AMN1: variants seen among roughly 807,000 people sequenced by gnomAD.
The protein encoded by AMN1 is protein AMN1 homolog.
Under a neutral mutation model 33.0 loss-of-function variants are expected in AMN1, and 20 were observed. The observed-to-expected ratio is 0.61, with a 90% CI of 0.43 to 0.88. The LOEUF is 0.88. Among genes scored for constraint, AMN1 ranks in the 40% least tolerant of loss-of-function variants. The pLI, the probability that AMN1 is intolerant of heterozygous loss-of-function variation, is 0.00. For missense variants in AMN1, 246 were observed against 307.4 expected (o/e 0.80, Z 1.49); for synonymous variants, 114 against 111.9 (o/e 1.02, Z -0.12).
intron 6 of AMN1, among the ~76,000 whole-genome samples, chr12:31,688,740 G>A (rs760473553): frequency 6.6e-6 from 1 of 152,150 alleles, no homozygotes; most frequent in Non-Finnish European, 1.5e-5. Flanking sequence ...TAACCCAGGA[G>A]GTGGAGGTTG....
chr12:31,728,081 G>A (rs1406676904), intron 1 of AMN1, among the ~76,000 whole-genome samples: 1 of 151,908 alleles, frequency 6.6e-6, no homozygotes, highest in Non-Finnish European at 1.5e-5. Flanking sequence ...GGCTGGTCTC[G>A]AACTCCTGAG....
At chr12:31,720,049 C>T (rs911267036) in intron 1 of AMN1, among the ~76,000 whole-genome samples, 3 of 152,042 alleles carry the variant, frequency 2.0e-5, no homozygotes, top group African/African-American at 4.8e-5. Flanking sequence ...TTTTCCATTC[C>T]GTTGTCATTT....
chr12:31,674,600 A>C (rs1951347551), intron 6 of AMN1, among the ~76,000 whole-genome samples: 1 of 152,196 alleles, frequency 6.6e-6, no homozygotes, highest in Non-Finnish European at 1.5e-5. Flanking sequence ...GTAACATAAC[A>C]TACTCACATT....
chr12:31,676,234 G>A lies in AMN1; in HGVS notation c.704-3857C>T, dbSNP rs1057469980. Among the ~76,000 whole-genome samples the A allele has an allele frequency of 2.0e-5, 3 of 151,644 alleles. 1 individual carries two copies. Among genetic ancestry groups the A allele is most frequent in the African/African-American group, 7.3e-5 (3 of 41,070 alleles). ...AAACCAGAAGGCTTAATATTATTAAGATAGCAATATTTCCCAAATTACCTA... is the reference window on the plus strand; with the variant it reads ...AAACCAGAAGGCTTAATATTATTAAAATAGCAATATTTCCCAAATTACCTA... On this transcript the variant is annotated intron_variant, in intron 6 of 6. Coordinates refer to ENST00000281471, the MANE Select transcript of AMN1 (RefSeq NM_001113402.2).
In AMN1 at chr12:31,671,193, T is replaced by G. The variant is rs1036947096; in HGVS notation, c.*1111A>C. ...TATTGAATTTGTCTTTAGAAAAATTTCATAGTTAGAACAGGCCTTACCCAT... is the reference window on the plus strand; with the variant it reads ...TATTGAATTTGTCTTTAGAAAAATTGCATAGTTAGAACAGGCCTTACCCAT... On this transcript the variant is annotated 3_prime_UTR_variant, in exon 7 of 7. Transcript: ENST00000281471. 6.6e-6 allele frequency: 1 copy of G among 152,224 alleles called. No individual in the cohort carries two copies. 9.4% of individuals were successfully genotyped at this position (152,224 alleles called of 1,614,324 possible). A position where few individuals can be genotyped will look rare whatever the true frequency, so the allele number is the denominator to read the frequency against.
intron 6 of AMN1, among the ~76,000 whole-genome samples, chr12:31,677,924 C>A (rs1232964322): frequency 6.6e-6 from 1 of 152,136 alleles, no homozygotes; most frequent in Non-Finnish European, 1.5e-5. Flanking sequence ...GATAGGAGAT[C>A]ATAAGGCCCT....
At chr12:31,673,727 A>G (rs1004158396) in intron 6 of AMN1, 4 of 369,868 alleles carry the variant, frequency 1.1e-5, no homozygotes, top group Non-Finnish European at 2.1e-5. Context: ...AATGCTCAAC[A>G]AAACACCAGC....
intron 2 of AMN1, among the ~76,000 whole-genome samples, chr12:31,704,176 T>A (rs1002083179): frequency 6.6e-6 from 1 of 152,184 alleles, no homozygotes; most frequent in Non-Finnish European, 1.5e-5. Flanking sequence ...TTTAAATCAA[T>A]TTACACTCTC....
rs200175936 is a variant in AMN1, at chr12:31,698,518, GGTCAAAAAAGAGAA to G, written c.317-575_317-562del. 6.7e-3 allele frequency among the ~76,000 whole-genome samples: 1,016 copies of G among 152,076 alleles called. 11 individuals carry two copies. The highest frequency in any genetic ancestry group is 0.023 in the African/African-American group (952 of 41,498). On this transcript the variant is annotated intron_variant, in intron 3 of 6. Coordinates refer to ENST00000281471, the MANE Select transcript of AMN1 (RefSeq NM_001113402.2). ...TGGACCAATCTTACATTTTCCTGAG[GGTCAAAAAAGAGAA>G]GTCTTTAAATCCAGTTAAGCTGATA...
rs191776395 is a variant in AMN1 at position 31,721,066 on chromosome 12, G to A, written c.38+7905C>T. ...CCTCATTTATTTGGTTGAGCCACAG[G>A]TGAGCAGTCTCTCAAAACAAAAGTG... is the stretch of plus-strand genomic sequence containing the variant. On this transcript the variant is annotated intron_variant, in intron 1 of 6. Coordinates refer to ENST00000281471, the MANE Select transcript of AMN1 (RefSeq NM_001113402.2). Among the ~76,000 whole-genome samples, 13 of 152,290 alleles carry A rather than the reference G, an allele frequency of 8.5e-5. No homozygotes were observed. The East Asian group carries it at 2.5e-3, about 29-fold the overall frequency.
At chr12:31,723,581 C>G (rs1479618386) in intron 1 of AMN1, among the ~76,000 whole-genome samples, 1 of 152,160 alleles carries the variant, frequency 6.6e-6, no homozygotes, top group Non-Finnish European at 1.5e-5. Flanking sequence ...AAGCAGACCA[C>G]TTTCACTCTG....
At position 31,671,225 on chromosome 12, in the gene AMN1, C is replaced by T. The variant is rs1215101255; in HGVS notation, c.*1079G>A. 1 of 152,176 alleles carries T rather than the reference C, an allele frequency of 6.6e-6. No homozygotes were observed. Among genetic ancestry groups the T allele is most frequent in the Non-Finnish European group, 1.5e-5 (1 of 68,034 alleles). 9.4% of individuals were successfully genotyped at this position (152,176 alleles called of 1,614,324 possible). A position where few individuals can be genotyped will look rare whatever the true frequency, so the allele number is the denominator to read the frequency against. On this transcript the variant is annotated 3_prime_UTR_variant, in exon 7 of 7. Transcript: ENST00000281471. ...TAGAACAGGCCTTACCCATTTTGCA[C>T]ATATATACATATGCACCACCTTTGC...
At chr12:31,678,938 A>T (rs558532655) in intron 6 of AMN1, among the ~76,000 whole-genome samples, 12 of 152,250 alleles carry the variant, frequency 7.9e-5, no homozygotes, top group African/African-American at 2.6e-4. Flanking sequence ...AATATGAAAT[A>T]AAAAAATGAG....
At chr12:31,675,989 A>T (rs951174449) in intron 6 of AMN1, among the ~76,000 whole-genome samples, 9 of 151,940 alleles carry the variant, frequency 5.9e-5, no homozygotes, top group Admixed American at 5.2e-4. Flanking sequence ...AAAATAGAAT[A>T]AATGAGTTCA....
intron 6 of AMN1, among the ~76,000 whole-genome samples, chr12:31,677,100 T>C (rs1937752745): frequency 6.7e-6 from 1 of 149,096 alleles, no homozygotes; most frequent in African/African-American, 2.6e-5. Context: ...AGATCGAGAC[T>C]ATCCTGGCTA....
intron 3 of AMN1, among the ~76,000 whole-genome samples, chr12:31,701,346 G>A (rs1204580994): frequency 6.6e-6 from 1 of 151,874 alleles, no homozygotes; most frequent in Non-Finnish European, 1.5e-5. Flanking sequence ...CACCCAGGCT[G>A]GAGTAGTGGT....
intron 2 of AMN1, 57 bp downstream of exon 2, chr12:31,709,236 A>G: frequency 6.3e-7 from 1 of 1,586,128 alleles, no homozygotes; most frequent in East Asian, 2.2e-5. Flanking sequence ...AAAAATCTAA[A>G]ACCATATCTA....
At chr12:31,722,129 T>TCACACACA (rs1338783051) in intron 1 of AMN1, among the ~76,000 whole-genome samples, 1 of 94,132 alleles carries the variant, frequency 1.1e-5, no homozygotes, top group African/African-American at 4.3e-5. Context: ...ATCAGGCCTT[T>TCACACACA]GACACACACA....
chr12:31,711,101 G>T (rs1449623028), intron 1 of AMN1, among the ~76,000 whole-genome samples: 2 of 151,958 alleles, frequency 1.3e-5, no homozygotes, highest in Non-Finnish European at 2.9e-5. Flanking sequence ...ATAGAGATGG[G>T]GTTTCACCAT....
Sources: gnomAD v4.1 joint callset for allele counts (sites outside exome capture counted in the v4.1 genomes callset) on GRCh38, gnomAD v4.1.1 for gene constraint, MANE v1.5 for transcripts, NCBI Gene and HGNC (gene_info 2026-07-23, HGNC 2026-07-21) for gene names.